The following BACH2 variants were observed in gnomAD, a reference collection of about 807,000 sequenced individuals.
BACH2 encodes BACH transcriptional regulator 2, also known as transcription regulator protein BACH2.
Under a neutral mutation model 61.8 loss-of-function variants are expected in BACH2, and 5 were observed. The ratio of observed to expected loss-of-function variants is 0.08; its 90% CI spans 0.04 to 0.17. The LOEUF (loss-of-function observed/expected upper bound fraction) is 0.17. Among genes scored for constraint, BACH2 ranks in the 10% least tolerant of loss-of-function variants. The pLI is 1.00. For synonymous variants in BACH2, 446 were observed against 440.1 expected (o/e 1.01, Z -0.17); for missense variants, 824 against 1,091.1 (o/e 0.76, Z 3.45).
intron 6 of BACH2, among the ~76,000 whole-genome samples, chr6:89,964,137 C>T (rs1774913517): frequency 6.6e-6 from 1 of 150,482 alleles, no homozygotes; most frequent in South Asian, 2.1e-4. Flanking sequence ...AGCGCACCAG[C>T]ATGGCACATG....
At chr6:90,220,462 G>T (rs1320133241) in intron 3 of BACH2, among the ~76,000 whole-genome samples, 1 of 152,186 alleles carries the variant, frequency 6.6e-6, no homozygotes, top group Non-Finnish European at 1.5e-5. Flanking sequence ...AGCTACAGAG[G>T]ATTTGTCAGG....
intron 1 of BACH2, among the ~76,000 whole-genome samples, chr6:90,276,162 A>G (rs1771684538): frequency 6.6e-6 from 1 of 152,238 alleles, no homozygotes; most frequent in African/African-American, 2.4e-5. Flanking sequence ...CGTTTCATCT[A>G]TGACAGCCAT....
At chr6:90,206,964 A>G (rs1415223364) in intron 3 of BACH2, among the ~76,000 whole-genome samples, 1 of 152,058 alleles carries the variant, frequency 6.6e-6, no homozygotes, top group East Asian at 1.9e-4. Flanking sequence ...CAAATGAACT[A>G]AACAGTCCAA....
intron 5 of BACH2, among the ~76,000 whole-genome samples, chr6:90,066,607 T>C (rs76771977): frequency 2.6e-5 from 4 of 152,322 alleles, no homozygotes; most frequent in East Asian, 1.9e-4. Flanking sequence ...GAGCTGATCA[T>C]GTGCTTCAGC....
intron 5 of BACH2, among the ~76,000 whole-genome samples, chr6:90,057,713 C>T (rs1780445857): frequency 1.3e-5 from 2 of 152,244 alleles, no homozygotes; most frequent in South Asian, 4.1e-4. Context: ...AACATTGATG[C>T]AAAAATCCTC....
chr6:90,236,933 ATT>A (rs575167950), intron 3 of BACH2, among the ~76,000 whole-genome samples: 1 of 149,414 alleles, frequency 6.7e-6, no homozygotes, highest in Non-Finnish European at 1.5e-5. Context: ...CAATGTTCTT[ATT>A]TTTTTTTTGA....
intron 4 of BACH2, among the ~76,000 whole-genome samples, chr6:90,134,945 C>T (rs1472616112): frequency 6.6e-6 from 1 of 152,126 alleles, no homozygotes; most frequent in East Asian, 1.9e-4. Flanking sequence ...ACAGGCAGAG[C>T]AGATGGCAGG....
intron 6 of BACH2, among the ~76,000 whole-genome samples, chr6:89,971,359 A>G (rs1775348930): frequency 1.3e-5 from 2 of 152,188 alleles, no homozygotes; most frequent in Non-Finnish European, 2.9e-5. Flanking sequence ...AATATAAGAT[A>G]CAAATCACCT....
chr6:90,007,226 C>A (rs1350675131), intron 6 of BACH2, among the ~76,000 whole-genome samples: 1 of 151,978 alleles, frequency 6.6e-6, no homozygotes, highest in Non-Finnish European at 1.5e-5. Flanking sequence ...AGGCACACAC[C>A]ACCATGCCTG....
intron 5 of BACH2, among the ~76,000 whole-genome samples, chr6:90,030,081 A>G (rs558824714): frequency 5.3e-5 from 8 of 152,326 alleles, no homozygotes; most frequent in Non-Finnish European, 7.3e-5. Flanking sequence ...TACAATGTGG[A>G]TCCTTGCAGA....
intron 5 of BACH2, among the ~76,000 whole-genome samples, chr6:90,069,839 A>G (rs1349957145): frequency 6.6e-6 from 1 of 152,186 alleles, no homozygotes; most frequent in Non-Finnish European, 1.5e-5. Context: ...AAGAAGAAAA[A>G]GCAGAGAAGA....
intron 4 of BACH2, chr6:90,116,824 T>C: frequency 3.7e-6 from 2 of 541,770 alleles, no homozygotes; most frequent in South Asian, 5.7e-5. Flanking sequence ...AGAGGTGTTC[T>C]CACTAGGCTG....
intron 2 of BACH2, among the ~76,000 whole-genome samples, chr6:90,257,885 C>T (rs1487196701): frequency 6.6e-6 from 1 of 152,146 alleles, no homozygotes; most frequent in African/African-American, 2.4e-5. Context: ...AAGCGATTCT[C>T]CTGCCTCAGC....
chr6:89,980,396 GCT>G (rs1287321130), intron 6 of BACH2, among the ~76,000 whole-genome samples: 1 of 152,144 alleles, frequency 6.6e-6, no homozygotes, highest in African/African-American at 2.4e-5. Context: ...TGAGCATGGG[GCT>G]CTGTTTGGCC....
intron 5 of BACH2, among the ~76,000 whole-genome samples, chr6:90,084,707 A>C: frequency 6.6e-6 from 1 of 152,036 alleles, no homozygotes; most frequent in East Asian, 1.9e-4. Flanking sequence ...TATATATTGT[A>C]CTTTAACAAA....
chr6:90,153,535 T>C (rs1784897263), intron 4 of BACH2, among the ~76,000 whole-genome samples: 1 of 152,190 alleles, frequency 6.6e-6, no homozygotes, highest in Non-Finnish European at 1.5e-5. Flanking sequence ...AGAGTTTTTC[T>C]TTTTATCACA....
At chr6:90,002,526 T>C (rs1308624923) in intron 6 of BACH2, among the ~76,000 whole-genome samples, 2 of 152,280 alleles carry the variant, frequency 1.3e-5, no homozygotes. Flanking sequence ...TCCCAGCACT[T>C]TGGGAGGCCG....
chr6:89,927,796 A>G lies in BACH2; in HGVS notation c.*4612T>C, dbSNP rs763324247. 7.2e-5 allele frequency: 11 copies of G among 152,778 alleles called. No individual in the cohort carries two copies. The highest frequency in any genetic ancestry group is 1.3e-4 in the Non-Finnish European group (9 of 68,040). The allele number at this position is 152,778 out of a possible 1,614,324, so 9.5% of individuals were successfully genotyped here. ...TTTTCTTTGCAAGTAATGTTTTTGC[A>G]CCGTCAGTTGAATAATTTATGCTCA... On this transcript the variant is annotated 3_prime_UTR_variant, in exon 9 of 9. Transcript: ENST00000257749.
intron 3 of BACH2, among the ~76,000 whole-genome samples, chr6:90,241,079 G>A (rs975790049): frequency 3.4e-5 from 5 of 148,094 alleles, no homozygotes; most frequent in Non-Finnish European, 5.9e-5. Flanking sequence ...AGGTTGCAGT[G>A]AGCCGAGATC....
Sources: allele counts gnomAD v4.1 joint callset (sites outside exome capture counted in the v4.1 genomes callset), GRCh38; gene constraint gnomAD v4.1.1; transcripts MANE v1.5; gene names NCBI Gene and HGNC (gene_info 2026-07-23, HGNC 2026-07-21).